Variants in URB1 observed in about 807,000 individuals in gnomAD.
URB1 encodes the protein URB1 ribosome biogenesis factor, also known as nucleolar pre-ribosomal-associated protein 1.
Under a neutral mutation model 242.3 loss-of-function variants are expected in URB1, and 197 were observed. The ratio of observed to expected loss-of-function variants is 0.81; its 90% CI spans 0.72 to 0.91. The LOEUF (loss-of-function observed/expected upper bound fraction) is 0.91, where lower values mean the gene tolerates loss of function less well. Ranked by LOEUF, URB1 falls within the 40% of genes least tolerant of loss-of-function variation. The pLI is 0.00. For missense variants in URB1, 2,721 were observed against 2,860.5 expected, an observed-to-expected ratio of 0.95 and a Z score of 1.11; for synonymous variants, 1,153 against 1,201.8, an observed-to-expected ratio of 0.96 and a Z score of 0.84.
At chr21:32,345,328 T>G in intron 23 of URB1, 46 bp downstream of exon 23, 2 of 1,517,844 alleles carry the variant, frequency 1.3e-6, no homozygotes, top group Non-Finnish European at 1.8e-6. Context: ...AAAAAAAAAA[T>G]GACACCGAGA....
At chr21:32,370,960 G>A (rs1277845201) in intron 8 of URB1, among the ~76,000 whole-genome samples, 1 of 152,146 alleles carries the variant, frequency 6.6e-6, no homozygotes, top group East Asian at 1.9e-4. Flanking sequence ...ACCAGCGCCC[G>A]TTCTCACCAC....
At chr21:32,333,519 C>G (rs2032920160) in intron 29 of URB1, 100 bp from the exon 30 acceptor site, 1 of 976,064 alleles carries the variant, frequency 1.0e-6, no homozygotes, top group African/African-American at 1.7e-5. Flanking sequence ...AGAAATGTTT[C>G]AGATTTTGGA....
At chr21:32,381,062 G>A (rs2033518554) in intron 4 of URB1, among the ~76,000 whole-genome samples, 1 of 152,188 alleles carries the variant, frequency 6.6e-6, no homozygotes, top group Non-Finnish European at 1.5e-5. Flanking sequence ...AGATCCCCAG[G>A]ACACAGCAGC....
At chr21:32,345,997 G>C (rs1481662976) in intron 22 of URB1, among the ~76,000 whole-genome samples, 1 of 152,076 alleles carries the variant, frequency 6.6e-6, no homozygotes, top group Admixed American at 6.5e-5. Flanking sequence ...TTGGAGGTGG[G>C]GTCTAATGGG....
rs941761308 is a variant in URB1 at position 32,347,547 on chromosome 21, C to T, written c.3277G>A (p.Gly1093Ser). Residue 1093 changes from glycine (G) to serine (S), a missense_variant, in exon 22 of 39, where the codon GGC becomes AGC. By Grantham distance (56) the Gly-to-Ser change is moderately conservative (BLOSUM62 0). Transcript: ENST00000382751. Reference sequence around the variant, plus strand: ...GTCTTTGGTGGTGATGTGGCCGGGCCCGCCCTCCTGTTCTGAAGTTCCTTC... The same window carrying T: ...GTCTTTGGTGGTGATGTGGCCGGGCTCGCCCTCCTGTTCTGAAGTTCCTTC... ...VLKELQNRRA[G>S]PATSPPKTPP... The T allele has an allele frequency of 1.9e-6, 3 of 1,551,122 alleles. No homozygotes were observed. The highest frequency in any genetic ancestry group is 3.9e-5 in the Admixed American group (2 of 50,956).
intron 30 of URB1, among the ~76,000 whole-genome samples, chr21:32,328,137 C>A (rs1321502038): frequency 1.3e-5 from 2 of 152,180 alleles, no homozygotes; most frequent in African/African-American, 2.4e-5. Context: ...TTTTCTAATT[C>A]TCTTATCTCT....
At chr21:32,341,330 C>T (rs1179697263) in intron 25 of URB1, 136 bp downstream of exon 25, 3 of 817,116 alleles carry the variant, frequency 3.7e-6, no homozygotes, top group Non-Finnish European at 5.7e-6. Flanking sequence ...ACTTCTCCAA[C>T]TTCTATCTCT....
At chr21:32,340,116 T>G (rs144697844) in intron 25 of URB1, among the ~76,000 whole-genome samples, 1 of 152,206 alleles carries the variant, frequency 6.6e-6, no homozygotes, top group African/African-American at 2.4e-5. Flanking sequence ...TAACCTATAG[T>G]TGTCATTAAC....
At chr21:32,386,505 C>T (rs1040570924) in intron 1 of URB1, among the ~76,000 whole-genome samples, 6 of 152,204 alleles carry the variant, frequency 3.9e-5, no homozygotes, top group African/African-American at 1.4e-4. Flanking sequence ...GTTATGGCTG[C>T]CCTAGTAGAT....
chr21:32,344,422 T>A, intron 24 of URB1, 148 bp downstream of exon 24: 1 of 797,628 alleles, frequency 1.3e-6, no homozygotes, highest in Non-Finnish European at 1.9e-6. Context: ...TTATCCAGTA[T>A]CTGCCACTCT....
intron 1 of URB1, among the ~76,000 whole-genome samples, chr21:32,391,232 G>C (rs28433108): frequency 2.7e-5 from 4 of 147,918 alleles, no homozygotes; most frequent in South Asian, 4.5e-4. Flanking sequence ...TCGGGGGGAG[G>C]GGGGAGGGAC....
chr21:32,383,599 A>G, intron 3 of URB1, 45 bp from the exon 4 acceptor site: 3 of 1,522,638 alleles, frequency 2.0e-6, no homozygotes, highest in Non-Finnish European at 2.6e-6. Flanking sequence ...ACAACAGCAG[A>G]AGCACAGAGC....
intron 20 of URB1, among the ~76,000 whole-genome samples, chr21:32,349,940 C>T (rs2033138166): frequency 6.6e-6 from 1 of 151,526 alleles, no homozygotes; most frequent in Non-Finnish European, 1.5e-5. Flanking sequence ...ACTAAAAATA[C>T]AAAAATTAGC....
intron 10 of URB1, 53 bp from the exon 11 acceptor site, chr21:32,363,382 C>T: frequency 2.6e-6 from 4 of 1,526,870 alleles, no homozygotes; most frequent in Non-Finnish European, 3.5e-6. Flanking sequence ...CACAGATTTG[C>T]TAAGCTATGG....
chr21:32,336,998 C>A, intron 28 of URB1, 96 bp downstream of exon 28: 1 of 1,285,452 alleles, frequency 7.8e-7, no homozygotes, highest in Non-Finnish European at 1.1e-6. Context: ...CCCTGAGAAC[C>A]AAAATGGAAT....
At chr21:32,390,918 G>A (rs540707253) in intron 1 of URB1, among the ~76,000 whole-genome samples, 6 of 152,260 alleles carry the variant, frequency 3.9e-5, no homozygotes, top group South Asian at 2.1e-4. Flanking sequence ...ACATGCACAC[G>A]TACGTTTACT....
At position 32,317,840 on chromosome 21, in the gene URB1, A is replaced by G. The variant is rs1466697896; in HGVS notation, c.5870T>C (p.Ile1957Thr). 1.3e-6 allele frequency: 2 copies of G among 1,551,810 alleles called. No homozygotes were observed. Among genetic ancestry groups the G allele is most frequent in the Admixed American group, 3.9e-5 (2 of 50,984 alleles). The part of the protein sequence containing the change: ...DSVLRYRATV[I>T]QAFRDMNRFT... ...TCTGTTCATGTCCCTAAAGGCCTGT[A>G]TGACAGTGGCCCGGTACCTCAGCAC... Residue 1957 changes from isoleucine to threonine, a missense_variant, in exon 37 of 39, where the codon ATA becomes ACA. Physicochemically the swap from Ile to Thr is moderately conservative, Grantham distance 89. Transcript: ENST00000382751.
At position 32,331,307 on chromosome 21, in the gene URB1, A is replaced by G. The variant is rs58409872; in HGVS notation, c.4960+2010T>C. On this transcript the variant is annotated intron_variant, in intron 30 of 38. Transcript: ENST00000382751. ...GGCAGGAAGTGCATTTTCCCTGTATACCCTTCAGCACCTGCTGAATTTCAA... is the reference window on the plus strand; with the variant it reads ...GGCAGGAAGTGCATTTTCCCTGTATGCCCTTCAGCACCTGCTGAATTTCAA... Among the ~76,000 whole-genome samples the G allele has an allele frequency of 2.9e-3, 438 of 152,294 alleles. 1 individual carries two copies. Among genetic ancestry groups the G allele is most frequent in the African/African-American group, 9.8e-3 (408 of 41,552 alleles).
At chr21:32,320,783 G>A (rs1027325898) in intron 34 of URB1, 143 bp from the exon 35 acceptor site, 32 of 652,434 alleles carry the variant, frequency 4.9e-5, no homozygotes, top group South Asian at 4.3e-4. Flanking sequence ...CCGTCAGAGC[G>A]GTGGCCATGT....
Sources: gnomAD v4.1 joint callset for allele counts (sites outside exome capture counted in the v4.1 genomes callset) on GRCh38, gnomAD v4.1.1 for gene constraint, MANE v1.5 for transcripts, NCBI Gene and HGNC (gene_info 2026-07-23, HGNC 2026-07-21) for gene names.